Variants in PANX2 observed in about 807,000 individuals in gnomAD.
PANX2 encodes the protein pannexin 2, also known as pannexin-2.
In PANX2, 30 loss-of-function variants were observed where a neutral mutation model predicts 38.7. That is an observed-to-expected ratio of 0.78 (90% CI 0.58 to 1.05). PANX2 has a LOEUF of 1.05. PANX2 is among the 50% of genes least tolerant of loss of function. The pLI is 0.00. For missense variants in PANX2, 880 were observed against 979.3 expected (o/e 0.90, Z 1.35); for synonymous variants, 539 against 472.1 (o/e 1.14, Z -1.84).
In PANX2 at chr22:50,178,210, G is replaced by GCCCCC; in HGVS notation, c.1502_1503insCCCCC (p.Pro503ArgfsTer55). On this transcript the variant is annotated frameshift_variant, in exon 2 of 3. Coordinates refer to ENST00000395842, the MANE Select transcript of PANX2 (RefSeq NM_052839.4). LOFTEE classifies it high-confidence loss of function. Reference sequence around the variant, plus strand: ...GGGCCCCGGCCCCGCCCCTGCCCCCGCCCCGCCGCCCGCCCCTGACAAGAA... The same window carrying GCCCCC: ...GGGCCCCGGCCCCGCCCCTGCCCCCGCCCCCCCCCGCCGCCCGCCCCTGACAAGAA... 1.2e-6 allele frequency: 1 copy of GCCCCC among 837,044 alleles called. No individual in the cohort carries two copies. Among genetic ancestry groups the GCCCCC allele is most frequent in the Non-Finnish European group, 1.6e-6 (1 of 611,530 alleles). The allele number at this position is 837,044 out of a possible 1,614,324, so 51.9% of individuals were successfully genotyped here. A position where few individuals can be genotyped will look rare whatever the true frequency, so the allele number is the denominator to read the frequency against.
Position 50,179,419 on chromosome 22 carries a change from C to A in PANX2, c.*142C>A. On this transcript the variant is annotated 3_prime_UTR_variant, in exon 3 of 3. Transcript: ENST00000395842. ...GCATCCCCAACCTCTGTCCGCATGC[C>A]TGGGGCCTTCGCCCCCACGTGCTCG... The A allele has an allele frequency of 1.3e-6, 1 of 750,694 alleles. No individual in the cohort carries two copies. 46.5% of individuals were successfully genotyped at this position (750,694 alleles called of 1,614,324 possible). A position where few individuals can be genotyped will look rare whatever the true frequency, so the allele number is the denominator to read the frequency against.
At chr22:50,176,734 T>C (rs1323302080) in intron 1 of PANX2, among the ~76,000 whole-genome samples, 2 of 151,962 alleles carry the variant, frequency 1.3e-5, no homozygotes, top group Non-Finnish European at 2.9e-5. Context: ...GCTGACCTCG[T>C]GGGGGTAGTC....
In PANX2 at chr22:50,179,632, G is replaced by T. The variant is rs2063688058; in HGVS notation, c.*355G>T. ...GTCCGTTTCGTCCTGGCCCCGGGCT[G>T]TGGCGAGACAGCCCAACTCCCCCAG... On this transcript the variant is annotated 3_prime_UTR_variant, in exon 3 of 3. Transcript: ENST00000395842. The T allele has an allele frequency of 4.2e-6, 1 of 236,604 alleles. No individual in the cohort carries two copies. The highest frequency in any genetic ancestry group is 2.3e-5 in the African/African-American group (1 of 42,976). 14.7% of individuals were successfully genotyped at this position (236,604 alleles called of 1,614,324 possible).
intron 1 of PANX2, 73 bp downstream of exon 1, chr22:50,171,029 C>G (rs1293239725): frequency 3.8e-6 from 3 of 780,264 alleles, no homozygotes; most frequent in Non-Finnish European, 5.6e-6. Context: ...TGGCGCTTCC[C>G]GCGTCCCCGG....
intron 2 of PANX2, among the ~76,000 whole-genome samples, chr22:50,178,628 G>A (rs1036881953): frequency 6.6e-6 from 1 of 152,220 alleles, no homozygotes; most frequent in African/African-American, 2.4e-5. Context: ...AGACCCCCCC[G>A]GGAGGCAGGT....
At chr22:50,173,684 G>A (rs1038232049) in intron 1 of PANX2, among the ~76,000 whole-genome samples, 3 of 152,236 alleles carry the variant, frequency 2.0e-5, no homozygotes, top group East Asian at 1.9e-4. Context: ...AGCCAGATGC[G>A]AGTCTCATGG....
At position 50,177,627 on chromosome 22, in the gene PANX2, C is replaced by CCT. The variant is rs778158965; in HGVS notation, c.917_918dup (p.Val307SerfsTer125). On this transcript the variant is annotated frameshift_variant, in exon 2 of 3. Coordinates refer to ENST00000395842, the MANE Select transcript of PANX2 (RefSeq NM_052839.4). LOFTEE classifies it high-confidence loss of function. ...TGCTGTGCGTCATGAACCTCATCAT[C>CCT]CTCGTCAACCTCATCCACCTCTTCA... 6 of 1,612,956 alleles carry CCT rather than the reference C, an allele frequency of 3.7e-6. No individual in the cohort carries two copies. Among genetic ancestry groups the CCT allele is most frequent in the Non-Finnish European group, 4.2e-6 (5 of 1,180,006 alleles).
chr22:50,174,697 C>T (rs1338141315), intron 1 of PANX2, among the ~76,000 whole-genome samples: 2 of 152,230 alleles, frequency 1.3e-5, no homozygotes, highest in Non-Finnish European at 2.9e-5. Context: ...AGGCAGGGTC[C>T]CACTGTCCCT....
chr22:50,177,390 G>C lies in PANX2; in HGVS notation c.678G>C (p.Leu226=). 3 of 1,609,796 alleles carry C rather than the reference G, an allele frequency of 1.9e-6. No individual in the cohort carries two copies. Among genetic ancestry groups the C allele is most frequent in the Non-Finnish European group, 1.7e-6 (2 of 1,178,612 alleles). ...RRGRSNFLAK[L]YLARHVLILL... ...GCCGCAGCAACTTCCTGGCCAAGCT[G>C]TACCTGGCGCGGCACGTGCTGATCC... The change falls in exon 2 of 3, where the codon CTG becomes CTC. Residue 226 remains leucine (L), a synonymous_variant. Coordinates refer to ENST00000395842, the MANE Select transcript of PANX2 (RefSeq NM_052839.4).
chr22:50,177,958 G>C lies in PANX2; in HGVS notation c.1246G>C (p.Gly416Arg). 1 of 1,533,248 alleles carries C rather than the reference G, an allele frequency of 6.5e-7. No individual in the cohort carries two copies. The highest frequency in any genetic ancestry group is 1.2e-5 in the South Asian group (1 of 83,792). 95.0% of individuals were successfully genotyped at this position (1,533,248 alleles called of 1,614,324 possible). A position where few individuals can be genotyped will look rare whatever the true frequency, so the allele number is the denominator to read the frequency against. Reference protein sequence around the residue: ...DPSANPAEPDGAAEPPVVKRP... With the variant: ...DPSANPAEPDRAAEPPVVKRP... ...CAGCGCCAACCCCGCCGAGCCCGAC[G>C]GCGCCGCCGAGCCGCCCGTGGTCAA... is the stretch of plus-strand genomic sequence containing the variant. Residue 416 changes from glycine to arginine, a missense_variant, in exon 2 of 3, where the codon GGC (glycine) becomes CGC (arginine). Physicochemically the swap from Gly to Arg is moderately radical, Grantham distance 125 (BLOSUM62 -2). Coordinates refer to ENST00000395842, the MANE Select transcript of PANX2 (RefSeq NM_052839.4).
At position 50,176,851 on chromosome 22, in the gene PANX2, G is replaced by A. The variant is rs904893014; in HGVS notation, c.227-88G>A. On this transcript the variant is annotated intron_variant, in intron 1 of 2. Coordinates refer to ENST00000395842, the MANE Select transcript of PANX2 (RefSeq NM_052839.4). Reference sequence around the variant, plus strand: ...CTGGAGAGGCTCCTGGGAGGGGTTCGGCAGGGACGCGGTCAGGTCCAGCCC... The same window carrying A: ...CTGGAGAGGCTCCTGGGAGGGGTTCAGCAGGGACGCGGTCAGGTCCAGCCC... 2.6e-5 allele frequency: 36 copies of A among 1,367,814 alleles called. 1 individual carries two copies. The South Asian group carries it at 4.6e-4, about 17-fold the overall frequency. The allele number at this position is 1,367,814 out of a possible 1,614,324, so 84.7% of individuals were successfully genotyped here.
chr22:50,178,060 A>G lies in PANX2; in HGVS notation c.1348A>G (p.Met450Val), dbSNP rs1203477469. Residue 450 changes from methionine to valine, a missense_variant, in exon 2 of 3, where the codon ATG (methionine) becomes GTG (valine). Met to Val is a conservative substitution (Grantham distance 21). Transcript: ENST00000395842. ...GCCCTTCAAGGAGCCGCTGGCCATC[A>G]TGCGCGTGGAGAACAGCAAGGCGGA... is the stretch of plus-strand genomic sequence containing the variant. ...PQPFKEPLAIMRVENSKAEKP... is the reference protein window; with the variant it reads ...PQPFKEPLAIVRVENSKAEKP... 3.2e-6 allele frequency: 5 copies of G among 1,554,050 alleles called. No homozygotes were observed. Among genetic ancestry groups the G allele is most frequent in the South Asian group, 1.2e-5 (1 of 84,992 alleles).
rs753938610 is a variant in PANX2 at position 50,177,188 on chromosome 22, A to G, written c.476A>G (p.Gln159Arg). The part of the protein sequence containing the change: ...RLTSELNFLL[Q>R]EIDNCYHRAA... The stretch of plus-strand genomic sequence containing the variant: ...ACCTCCGAGCTCAACTTCCTGCTGC[A>G]GGAGATCGACAACTGTTACCACCGG... Residue 159 changes from glutamine to arginine, a missense_variant, in exon 2 of 3, where the codon CAG (glutamine) becomes CGG (arginine). Physicochemically the swap from Gln to Arg is conservative, Grantham distance 43. This residue lies in a region of PANX2 where 243 missense variants were observed against 333.1 expected (regional missense o/e 0.73). Transcript: ENST00000395842. 6.2e-7 allele frequency: 1 copy of G among 1,610,148 alleles called. No homozygotes were observed. Among genetic ancestry groups the G allele is most frequent in the Non-Finnish European group, 8.5e-7 (1 of 1,178,550 alleles).
chr22:50,173,460 G>A (rs376524018), intron 1 of PANX2, among the ~76,000 whole-genome samples: 12 of 152,270 alleles, frequency 7.9e-5, no homozygotes, highest in Admixed American at 5.2e-4. Context: ...CCCTGATGCC[G>A]CAGGGCAGGG....
chr22:50,179,797 C>T lies in PANX2; in HGVS notation c.*520C>T, dbSNP rs2063689304. On this transcript the variant is annotated 3_prime_UTR_variant, in exon 3 of 3. Coordinates refer to ENST00000395842, the MANE Select transcript of PANX2 (RefSeq NM_052839.4). The stretch of plus-strand genomic sequence containing the variant: ...GCCCTCGGGTGGGAGGGACCGAGGT[C>T]CACCCTCGGGTCAAAGGTCAACGTG... The T allele has an allele frequency of 6.3e-6, 1 of 157,804 alleles. No homozygotes were observed. The highest frequency in any genetic ancestry group is 1.4e-5 in the Non-Finnish European group (1 of 71,326). The allele number at this position is 157,804 out of a possible 1,614,324, so 9.8% of individuals were successfully genotyped here.
At chr22:50,171,932 T>C (rs1431185991) in intron 1 of PANX2, among the ~76,000 whole-genome samples, 1 of 152,206 alleles carries the variant, frequency 6.6e-6, no homozygotes, top group Non-Finnish European at 1.5e-5. Context: ...CCAGATGCCT[T>C]GCCTTAAGGA....
Position 50,177,277 on chromosome 22 carries a change from G to C in PANX2, c.565G>C (p.Glu189Gln). The change falls in exon 2 of 3, where the codon GAG becomes CAG. Residue 189 changes from glutamate (E) to glutamine (Q), a missense_variant. This residue lies in a region of PANX2 where 243 missense variants were observed against 333.1 expected (regional missense o/e 0.73). Coordinates refer to ENST00000395842, the MANE Select transcript of PANX2 (RefSeq NM_052839.4). Reference protein sequence around the residue: ...QIQSKGPGITEREKREIIENA... With the variant: ...QIQSKGPGITQREKREIIENA... ...CCAGTCCAAGGGCCCGGGCATCACG[G>C]AGCGCGAGAAGCGCGAGATCATCGA... The C allele has an allele frequency of 1.9e-6, 3 of 1,612,390 alleles. No homozygotes were observed. Among genetic ancestry groups the C allele is most frequent in the Non-Finnish European group, 2.5e-6 (3 of 1,179,786 alleles).
intron 1 of PANX2, among the ~76,000 whole-genome samples, chr22:50,171,704 G>C (rs555658575): frequency 1.3e-5 from 2 of 152,196 alleles, no homozygotes; most frequent in Non-Finnish European, 2.9e-5. Flanking sequence ...GGGTCCTGGT[G>C]CCTCTGCCCT....
chr22:50,173,664 A>G (rs1306200753), intron 1 of PANX2, among the ~76,000 whole-genome samples: 1 of 152,222 alleles, frequency 6.6e-6, no homozygotes, highest in African/African-American at 2.4e-5. Context: ...GAACAAACCT[A>G]CAAGTCAGAA....
Sources: gnomAD v4.1 joint callset for allele counts (sites outside exome capture counted in the v4.1 genomes callset) on GRCh38, gnomAD v4.1.1 for gene constraint, gnomAD v4.1.1 regional missense constraint, MANE v1.5 for transcripts, NCBI Gene and HGNC (gene_info 2026-07-23, HGNC 2026-07-21) for gene names.